CWF19L2: variants seen among roughly 807,000 people sequenced by gnomAD.
CWF19L2 encodes CWF19-like protein 2.
CWF19L2 carries 98 observed loss-of-function variants against 111.7 expected under a neutral mutation model. That is an observed-to-expected ratio of 0.88 (90% CI 0.75 to 1.04). CWF19L2 has a LOEUF of 1.04. Among genes scored for constraint, CWF19L2 ranks in the 50% least tolerant of loss-of-function variants. CWF19L2 has a pLI of 0.00. For synonymous variants in CWF19L2, 351 were observed against 342.9 expected (o/e 1.02, Z -0.26); for missense variants, 1,101 against 1,051.4 (o/e 1.05, Z -0.65).
chr11:107,418,062 C>G, intron 9 of CWF19L2, 132 bp downstream of exon 9: 2 of 665,156 alleles, frequency 3.0e-6, no homozygotes, highest in Non-Finnish European at 5.4e-6. Context: ...CTGAGAATTT[C>G]TTTAAGGAAT....
At chr11:107,353,417 A>C (rs937750992) in intron 13 of CWF19L2, 107 bp downstream of exon 13, 12 of 844,324 alleles carry the variant, frequency 1.4e-5, no homozygotes, top group Non-Finnish European at 2.0e-5. Context: ...GGAAAGACCC[A>C]ATAAACAAGT....
chr11:107,362,781 G>A (rs1383739075), intron 12 of CWF19L2, among the ~76,000 whole-genome samples: 1 of 151,746 alleles, frequency 6.6e-6, no homozygotes, highest in Non-Finnish European at 1.5e-5. Context: ...CTCCTCCAAA[G>A]GAACGCAGTT....
intron 10 of CWF19L2, among the ~76,000 whole-genome samples, chr11:107,393,928 C>T (rs982548282): frequency 4.6e-5 from 7 of 152,080 alleles, no homozygotes; most frequent in Admixed American, 2.0e-4. Context: ...CTATTGGGAA[C>T]AATTTTTATT....
At chr11:107,445,192 A>T (rs962042607) in intron 3 of CWF19L2, among the ~76,000 whole-genome samples, 11 of 152,218 alleles carry the variant, frequency 7.2e-5, no homozygotes, top group African/African-American at 2.7e-4. Flanking sequence ...TCCTACATCT[A>T]TATGTCTTAT....
chr11:107,442,974 C>T lies in CWF19L2; in HGVS notation c.415G>A (p.Glu139Lys). 1 of 1,551,610 alleles carries T rather than the reference C, an allele frequency of 6.4e-7. No individual in the cohort carries two copies. The highest frequency in any genetic ancestry group is 1.2e-5 in the South Asian group (1 of 84,046). Residue 139 changes from glutamate (E) to lysine (K), a missense_variant, in exon 4 of 18, where the codon GAA becomes AAA. Glu to Lys is a moderately conservative substitution (Grantham distance 56). Coordinates refer to ENST00000282251, the MANE Select transcript of CWF19L2 (RefSeq NM_152434.3). ...DKEKAWKVKDEKSGKDDTQII... is the reference protein window; with the variant it reads ...DKEKAWKVKDKKSGKDDTQII... ...TGGGTGTCATCTTTTCCTGACTTTTCATCTTTCACTTTCCAGGCTTTTTCC... is the reference window on the plus strand; with the variant it reads ...TGGGTGTCATCTTTTCCTGACTTTTTATCTTTCACTTTCCAGGCTTTTTCC...
chr11:107,353,769 G>A, intron 12 of CWF19L2, 33 bp from the exon 13 acceptor site: 1 of 1,558,400 alleles, frequency 6.4e-7, no homozygotes, highest in Non-Finnish European at 8.8e-7. Context: ...ATAGAGAGTA[G>A]AAGGTAGTGA....
chr11:107,374,338 A>C lies in CWF19L2; in HGVS notation c.1872+15736T>G, dbSNP rs1393146601. ...AATTGTCAGATTCACCAAAGTTGAA[A>C]TGAAGGAAAAAATGTTAAGGGCAGC... On this transcript the variant is annotated intron_variant, in intron 12 of 17. Transcript: ENST00000282251. Among the ~76,000 whole-genome samples the C allele has an allele frequency of 2.3e-5, 3 of 132,262 alleles. No individual in the cohort carries two copies. In the East Asian group the frequency reaches 6.5e-4, roughly 28 times the overall value. The allele number at this position is 132,262 out of a possible 152,430, so 86.8% of individuals were successfully genotyped here. A position where few individuals can be genotyped will look rare whatever the true frequency, so the allele number is the denominator to read the frequency against.
At chr11:107,419,294 T>G (rs1226553389) in intron 8 of CWF19L2, among the ~76,000 whole-genome samples, 2 of 152,140 alleles carry the variant, frequency 1.3e-5, no homozygotes, top group Non-Finnish European at 2.9e-5. Flanking sequence ...ACCTAAAAAA[T>G]GTTAAAACAA....
chr11:107,426,914 T>C (rs898848651), intron 8 of CWF19L2, among the ~76,000 whole-genome samples: 4 of 151,898 alleles, frequency 2.6e-5, no homozygotes, highest in African/African-American at 9.7e-5. Flanking sequence ...AAAGGGAGAT[T>C]TACTTTTTCA....
intron 9 of CWF19L2, among the ~76,000 whole-genome samples, chr11:107,417,062 C>A (rs961198681): frequency 1.3e-5 from 2 of 152,162 alleles, no homozygotes; most frequent in Non-Finnish European, 2.9e-5. Context: ...GCAAGATATG[C>A]CCTTTATTAG....
intron 12 of CWF19L2, among the ~76,000 whole-genome samples, chr11:107,382,729 C>A (rs1429286303): frequency 6.6e-6 from 1 of 152,210 alleles, no homozygotes; most frequent in Non-Finnish European, 1.5e-5. Flanking sequence ...GCTATTGTTA[C>A]AGTCTTGTAT....
chr11:107,416,785 A>G (rs1398788546), intron 9 of CWF19L2, among the ~76,000 whole-genome samples: 1 of 152,256 alleles, frequency 6.6e-6, no homozygotes, highest in Non-Finnish European at 1.5e-5. Context: ...CCATGAAGTA[A>G]TACATTAAAT....
At chr11:107,360,834 TTTG>T (rs1054374207) in intron 12 of CWF19L2, among the ~76,000 whole-genome samples, 5 of 152,214 alleles carry the variant, frequency 3.3e-5, no homozygotes, top group Non-Finnish European at 5.9e-5. Context: ...AGTGGGACTA[TTTG>T]TTGTTGTTGC....
At chr11:107,402,883 A>G (rs1352781781) in intron 10 of CWF19L2, among the ~76,000 whole-genome samples, 19 of 61,240 alleles carry the variant, frequency 3.1e-4, no homozygotes, top group East Asian at 2.4e-3. Flanking sequence ...GTATATATAT[A>G]TATATATATA....
intron 11 of CWF19L2, 116 bp downstream of exon 11, chr11:107,392,663 C>G: frequency 1.8e-6 from 1 of 568,210 alleles, no homozygotes; most frequent in Non-Finnish European, 3.0e-6. Flanking sequence ...TCCTACCTTC[C>G]AATATTGGCA....
Position 107,455,759 on chromosome 11 carries a change from T to C in CWF19L2, c.123A>G (p.Glu41=). ...TAAGTTCTTTACGCCTTTCTTCTTT[T>C]TCAAAATTGGCTTTAGCCTACAACC... The part of the protein sequence containing the change: ...EVLRQAKANF[E]KEERRKELKR... The change falls in exon 2 of 18, where the codon GAA becomes GAG. Residue 41 remains glutamate, a synonymous_variant. Transcript: ENST00000282251. 2 of 1,550,778 alleles carry C rather than the reference T, an allele frequency of 1.3e-6. No individual in the cohort carries two copies. Among genetic ancestry groups the C allele is most frequent in the South Asian group, 2.4e-5 (2 of 83,862 alleles).
At position 107,442,735 on chromosome 11, in the gene CWF19L2, AAAGGAAGGAAGGAAGGAAGG is replaced by A. The variant is rs761215951; in HGVS notation, c.450+184_450+203del. On this transcript the variant is annotated intron_variant, in intron 4 of 17. Transcript: ENST00000282251. ...GAGAGAGAGAGAAAGAGAAAGAAAG[AAAGGAAGGAAGGAAGGAAGG>A]AAGGAAGGAAGGAAGGAAGGAAGGA... Among the ~76,000 whole-genome samples, 71 of 73,114 alleles carry A rather than the reference AAAGGAAGGAAGGAAGGAAGG, an allele frequency of 9.7e-4. 1 individual carries two copies. Among genetic ancestry groups the A allele is most frequent in the African/African-American group, 3.4e-3 (59 of 17,456 alleles). The allele number at this position is 73,114 out of a possible 152,430, so 48.0% of individuals were successfully genotyped here.
chr11:107,350,302 T>C (rs1860138849), intron 13 of CWF19L2, among the ~76,000 whole-genome samples: 1 of 152,144 alleles, frequency 6.6e-6, no homozygotes, highest in Non-Finnish European at 1.5e-5. Flanking sequence ...AAGGAGCTTA[T>C]GGGGTGCTAC....
Position 107,371,625 on chromosome 11 carries a change from T to C in CWF19L2, c.1873-17889A>G, listed in dbSNP as rs905703802. 2.2e-5 allele frequency among the ~76,000 whole-genome samples: 3 copies of C among 138,026 alleles called. 1 individual carries two copies. Among genetic ancestry groups the C allele is most frequent in the Non-Finnish European group, 4.7e-5 (3 of 64,334 alleles). 90.6% of individuals were successfully genotyped at this position (138,026 alleles called of 152,430 possible). A position where few individuals can be genotyped will look rare whatever the true frequency, so the allele number is the denominator to read the frequency against. Reference sequence around the variant, plus strand: ...ACTAAAATATACTGAAAGAATATCATCATTTTTGAAATTTAAAAATATTTA... The same window carrying C: ...ACTAAAATATACTGAAAGAATATCACCATTTTTGAAATTTAAAAATATTTA... On this transcript the variant is annotated intron_variant, in intron 12 of 17. Coordinates refer to ENST00000282251, the MANE Select transcript of CWF19L2 (RefSeq NM_152434.3).
Sources: gnomAD v4.1 joint callset for allele counts (sites outside exome capture counted in the v4.1 genomes callset) on GRCh38, gnomAD v4.1.1 for gene constraint, MANE v1.5 for transcripts, NCBI Gene and HGNC (gene_info 2026-07-23, HGNC 2026-07-21) for gene names.